CTNNA2: variants seen among roughly 807,000 people sequenced by gnomAD.
CTNNA2 encodes the protein catenin alpha 2.
A neutral mutation model predicts 101.0 loss-of-function variants in CTNNA2; 42 were observed. The ratio of observed to expected loss-of-function variants is 0.42; its 90% CI spans 0.32 to 0.54. The LOEUF (loss-of-function observed/expected upper bound fraction) is 0.54, where lower values mean the gene tolerates loss of function less well. CTNNA2 is among the 20% of genes least tolerant of loss of function. The pLI is 0.14. For missense variants in CTNNA2, 871 were observed against 1,223.1 expected (o/e 0.71, Z 4.29); for synonymous variants, 450 against 456.4 (o/e 0.99, Z 0.18).
chr2:80,016,599 A>G (rs1396694894), intron 7 of CTNNA2, among the ~76,000 whole-genome samples: 1 of 152,224 alleles, frequency 6.6e-6, no homozygotes, highest in African/African-American at 2.4e-5. Context: ...TTATATTTAC[A>G]AAGCTGCCTT....
chr2:80,557,912 TCTTA>T (rs1334121611), intron 12 of CTNNA2, among the ~76,000 whole-genome samples: 1 of 152,184 alleles, frequency 6.6e-6, no homozygotes, highest in Non-Finnish European at 1.5e-5. Context: ...AGATTTTTGC[TCTTA>T]CTTGTTCTGA....
intron 9 of CTNNA2, among the ~76,000 whole-genome samples, chr2:80,541,007 G>T (rs1691505975): frequency 6.6e-6 from 1 of 152,158 alleles, no homozygotes; most frequent in Admixed American, 6.5e-5. Flanking sequence ...ATTATTGATT[G>T]GGGACTGCCT....
At chr2:79,376,877 G>A (rs568276543) in intron 4 of CTNNA2, among the ~76,000 whole-genome samples, 4 of 152,244 alleles carry the variant, frequency 2.6e-5, no homozygotes, top group Non-Finnish European at 4.4e-5. Context: ...TCTTGATCTA[G>A]TCTATCATTG....
intron 9 of CTNNA2, among the ~76,000 whole-genome samples, chr2:80,476,194 C>T (rs779582949): frequency 1.3e-5 from 2 of 152,034 alleles, no homozygotes; most frequent in Non-Finnish European, 2.9e-5. Flanking sequence ...CCCAAGGAGG[C>T]AAAACAAATG....
intron 1 of CTNNA2, among the ~76,000 whole-genome samples, chr2:79,520,544 C>T (rs1672048423): frequency 6.6e-6 from 1 of 152,162 alleles, no homozygotes; most frequent in African/African-American, 2.4e-5. Flanking sequence ...TTTTGCTCTT[C>T]AAAAGACAAA....
intron 7 of CTNNA2, among the ~76,000 whole-genome samples, chr2:80,038,491 C>T (rs1000880996): frequency 2.6e-4 from 39 of 151,898 alleles, no homozygotes; most frequent in Admixed American, 3.3e-4. Flanking sequence ...GAGGCAGAGT[C>T]GGGCAGATCA....
At chr2:80,465,422 A>G (rs1368564790) in intron 9 of CTNNA2, among the ~76,000 whole-genome samples, 2 of 152,204 alleles carry the variant, frequency 1.3e-5, no homozygotes, top group African/African-American at 4.8e-5. Flanking sequence ...GAACCATTAC[A>G]AATGGAAGAC....
rs1281981501 is a variant in CTNNA2 at position 79,473,523 on chromosome 2, A to T, written c.-134-31531A>T. 2.0e-5 allele frequency among the ~76,000 whole-genome samples: 3 copies of T among 152,166 alleles called. No individual in the cohort carries two copies. In the East Asian group the frequency reaches 5.8e-4, roughly 29 times the overall value. Reference sequence around the variant, plus strand: ...AAGGCATAGATGGGAAAAAATGTACATTACATGCATAATAAACTACAATAA... The same window carrying T: ...AAGGCATAGATGGGAAAAAATGTACTTTACATGCATAATAAACTACAATAA... On this transcript the variant is annotated intron_variant, in intron 4 of 21. Coordinates refer to the CTNNA2 transcript ENST00000466387.
chr2:80,161,883 G>T (rs973443191), intron 7 of CTNNA2, among the ~76,000 whole-genome samples: 1 of 152,044 alleles, frequency 6.6e-6, no homozygotes, highest in African/African-American at 2.4e-5. Context: ...AGTATGTGTA[G>T]ATCTACACAT....
At chr2:79,804,862 A>G (rs2105312554) in intron 3 of CTNNA2, among the ~76,000 whole-genome samples, 1 of 152,316 alleles carries the variant, frequency 6.6e-6, no homozygotes, top group East Asian at 1.9e-4. Context: ...AATGTTTTGA[A>G]CATTTTAAAA....
chr2:79,957,910 A>G (rs904582196), intron 7 of CTNNA2, among the ~76,000 whole-genome samples: 4 of 152,158 alleles, frequency 2.6e-5, no homozygotes, highest in Admixed American at 2.6e-4. Flanking sequence ...GTCTCCTTTC[A>G]TATTAGGGAT....
At chr2:79,801,194 G>A (rs1574002112) in intron 3 of CTNNA2, among the ~76,000 whole-genome samples, 1 of 152,172 alleles carries the variant, frequency 6.6e-6, no homozygotes, top group South Asian at 2.1e-4. Context: ...CTTGCCTCTT[G>A]TGCACTCCCT....
intron 7 of CTNNA2, among the ~76,000 whole-genome samples, chr2:80,157,167 G>A (rs1431222470): frequency 6.6e-6 from 1 of 152,094 alleles, no homozygotes; most frequent in African/African-American, 2.4e-5. Flanking sequence ...TCATCTCAGG[G>A]TAGAAAAATA....
At chr2:79,436,266 GA>G (rs1678712625) in intron 4 of CTNNA2, among the ~76,000 whole-genome samples, 1 of 152,212 alleles carries the variant, frequency 6.6e-6, no homozygotes, top group Non-Finnish European at 1.5e-5. Context: ...CAAATGGTGT[GA>G]ATTAAAGTTC....
intron 2 of CTNNA2, among the ~76,000 whole-genome samples, chr2:79,699,537 A>G (rs994574992): frequency 6.6e-6 from 1 of 151,952 alleles, no homozygotes; most frequent in Non-Finnish European, 1.5e-5. Flanking sequence ...CCATATTTAT[A>G]GAATAATGGA....
chr2:79,770,100 C>T (rs1033847302), intron 3 of CTNNA2, among the ~76,000 whole-genome samples: 2 of 152,150 alleles, frequency 1.3e-5, no homozygotes, highest in Non-Finnish European at 1.5e-5. Flanking sequence ...TTTTGGTTGT[C>T]ACAAGTTGGG....
intron 11 of CTNNA2, among the ~76,000 whole-genome samples, chr2:80,546,364 T>A (rs1174735430): frequency 6.6e-6 from 1 of 152,232 alleles, no homozygotes; most frequent in East Asian, 1.9e-4. Flanking sequence ...GAATCACTCA[T>A]GTAAAAAAGG....
chr2:79,369,325 A>C (rs963909463), intron 3 of CTNNA2, among the ~76,000 whole-genome samples: 3 of 152,160 alleles, frequency 2.0e-5, no homozygotes, highest in Non-Finnish European at 2.9e-5. Context: ...ATGTTCCTCA[A>C]GAACATGCAC....
intron 4 of CTNNA2, among the ~76,000 whole-genome samples, chr2:79,862,682 C>A (rs1681712566): frequency 6.6e-6 from 1 of 152,012 alleles, no homozygotes; most frequent in Non-Finnish European, 1.5e-5. Flanking sequence ...AACACTGTGC[C>A]AAGATGTATT....
Sources: gnomAD v4.1 joint callset for allele counts (sites outside exome capture counted in the v4.1 genomes callset) on GRCh38, gnomAD v4.1.1 for gene constraint, MANE v1.5 for transcripts, NCBI Gene and HGNC (gene_info 2026-07-23, HGNC 2026-07-21) for gene names.